TOM1: variants seen among roughly 807,000 people sequenced by gnomAD.
TOM1 encodes the protein target of myb1 membrane trafficking protein.
Under a neutral mutation model 61.3 loss-of-function variants are expected in TOM1, and 38 were observed. The ratio of observed to expected loss-of-function variants is 0.62; its 90% confidence interval spans 0.48 to 0.81. The LOEUF is 0.81. Among genes scored for constraint, TOM1 ranks in the 40% least tolerant of loss-of-function variants. TOM1 has a pLI of 0.00. For synonymous variants in TOM1, 270 were observed against 268.8 expected (o/e 1.00, Z -0.04); for missense variants, 591 against 659.6 (o/e 0.90, Z 1.14).
intron 8 of TOM1, chr22:35,331,443 C>T (rs1205581567): frequency 2.5e-6 from 1 of 392,916 alleles, no homozygotes; most frequent in Non-Finnish European, 5.1e-6. Flanking sequence ...TCAAGAGTCA[C>T]ATCCCCAAGA....
At chr22:35,303,688 G>A (rs567121305) in intron 1 of TOM1, among the ~76,000 whole-genome samples, 107 of 152,070 alleles carry the variant, frequency 7.0e-4, no homozygotes, top group East Asian at 2.3e-3. Context: ...AGTAGAGATG[G>A]GGTTTCACCA....
intron 2 of TOM1, chr22:35,321,725 C>CT (rs1242099030): frequency 6.1e-6 from 4 of 651,868 alleles, no homozygotes; most frequent in Non-Finnish European, 1.2e-5. Context: ...ACAAAACGCT[C>CT]TCATCTTTTC....
chr22:35,317,644 A>G (rs553918374), intron 1 of TOM1, among the ~76,000 whole-genome samples: 2 of 152,166 alleles, frequency 1.3e-5, no homozygotes, highest in South Asian at 2.1e-4. Context: ...TGGTTTCCTC[A>G]TCCATTGAAG....
intron 1 of TOM1, among the ~76,000 whole-genome samples, chr22:35,301,539 C>G (rs1361562813): frequency 6.6e-6 from 1 of 152,208 alleles, no homozygotes; most frequent in East Asian, 1.9e-4. Context: ...TGAAATTACT[C>G]TTCATCTTTT....
intron 11 of TOM1, among the ~76,000 whole-genome samples, chr22:35,334,944 G>A (rs1929173318): frequency 6.6e-6 from 1 of 151,210 alleles, no homozygotes; most frequent in Admixed American, 6.6e-5. Flanking sequence ...TTGTTCCATA[G>A]CCACCGTTAA....
Position 35,323,147 on chromosome 22 carries a change from C to T in TOM1, c.336C>T (p.Ile112=), listed in dbSNP as rs774932722. The change falls in exon 4 of 15, where the codon ATC becomes ATT. Residue 112 remains isoleucine, a synonymous_variant. Transcript: ENST00000449058. The surrounding 1 kb of genome is among the most constrained non-coding windows in gnomAD (Gnocchi z 4.2). ...TGCCCAAGAACAACCCACCCACCAT[C>T]GTGCATGACAAAGTGCTCAACCTCA... ...TILPKNNPPT[I]VHDKVLNLIQ... 9 of 1,614,096 alleles carry T rather than the reference C, an allele frequency of 5.6e-6. No individual in the cohort carries two copies. Among genetic ancestry groups the T allele is most frequent in the Non-Finnish European group, 7.6e-6 (9 of 1,180,030 alleles).
intron 6 of TOM1, 117 bp downstream of exon 6, chr22:35,324,031 C>A: frequency 1.6e-6 from 2 of 1,286,402 alleles, no homozygotes; most frequent in African/African-American, 1.5e-5. Flanking sequence ...TCACAGCAGC[C>A]CACAGGGTAT....
chr22:35,346,531 C>A (rs129433), intron 13 of TOM1, among the ~76,000 whole-genome samples: 5 of 151,982 alleles, frequency 3.3e-5, no homozygotes, highest in African/African-American at 9.7e-5. Context: ...GCCTTTCCCC[C>A]CCAGGGGTGA....
At chr22:35,302,302 CTTTTTT>C (rs965801547) in intron 1 of TOM1, among the ~76,000 whole-genome samples, 4 of 125,120 alleles carry the variant, frequency 3.2e-5, no homozygotes, top group African/African-American at 1.2e-4. Context: ...ATGTGAATTT[CTTTTTT>C]TTTCTTTTTC....
intron 9 of TOM1, 131 bp from the exon 10 acceptor site, chr22:35,333,273 G>C (rs1013013758): frequency 1.1e-6 from 1 of 894,696 alleles, no homozygotes; most frequent in Admixed American, 2.3e-5. Context: ...GAAATTCCCT[G>C]ATGCCCAGTC....
At chr22:35,321,760 T>C (rs1315585335) in intron 2 of TOM1, 199 bp from the exon 3 acceptor site, 24 of 702,412 alleles carry the variant, frequency 3.4e-5, no homozygotes, top group Non-Finnish European at 4.5e-5. Context: ...CTGCTGGAGG[T>C]CCAGGGGCCA....
intron 1 of TOM1, among the ~76,000 whole-genome samples, chr22:35,308,189 A>G (rs550477432): frequency 4.7e-4 from 71 of 151,052 alleles, no homozygotes; most frequent in South Asian, 3.3e-3. Flanking sequence ...GCATAAGCCA[A>G]TTCCTTAAGC....
At chr22:35,302,324 CT>C in intron 1 of TOM1, among the ~76,000 whole-genome samples, 1 of 122,844 alleles carries the variant, frequency 8.1e-6, no homozygotes, top group African/African-American at 3.2e-5. Flanking sequence ...TTTTCTTTTT[CT>C]TTTTCTTTTT....
chr22:35,347,061 A>G lies in TOM1; in HGVS notation c.1331A>G (p.Asp444Gly). Residue 444 changes from aspartate to glycine, a missense_variant, in exon 15 of 15, where the codon GAC becomes GGC. Transcript: ENST00000449058. ...CCCTCTCCCCTTCCTCTAGAATTTG[A>G]CAAATTCCTGGAAGAACGGGCCAAA... The part of the protein sequence containing the change: ...EPKGVTSEEF[D>G]KFLEERAKAA... The G allele has an allele frequency of 1.3e-6, 2 of 1,508,980 alleles. No homozygotes were observed. Among genetic ancestry groups the G allele is most frequent in the Non-Finnish European group, 1.8e-6 (2 of 1,115,018 alleles). The allele number at this position is 1,508,980 out of a possible 1,614,324, so 93.5% of individuals were successfully genotyped here. A position where few individuals can be genotyped will look rare whatever the true frequency, so the allele number is the denominator to read the frequency against.
intron 13 of TOM1, among the ~76,000 whole-genome samples, chr22:35,346,541 A>T (rs1930515119): frequency 6.6e-6 from 1 of 152,160 alleles, no homozygotes; most frequent in South Asian, 2.1e-4. Context: ...CCCAGGGGTG[A>T]GGACCACCCA....
intron 6 of TOM1, among the ~76,000 whole-genome samples, chr22:35,326,599 C>T (rs946605586): frequency 2.6e-5 from 4 of 152,146 alleles, no homozygotes; most frequent in Admixed American, 6.5e-5. Context: ...GGACAAAATC[C>T]CAGTCCACTA....
intron 12 of TOM1, among the ~76,000 whole-genome samples, chr22:35,342,888 C>T (rs2145723477): frequency 6.8e-6 from 1 of 147,828 alleles, no homozygotes; most frequent in Non-Finnish European, 1.5e-5. Flanking sequence ...ACACACACCA[C>T]ACACACATCT....
At chr22:35,320,255 G>C (rs923007993) in intron 2 of TOM1, among the ~76,000 whole-genome samples, 2 of 152,212 alleles carry the variant, frequency 1.3e-5, no homozygotes, top group African/African-American at 2.4e-5. Flanking sequence ...TTTAGCTGAG[G>C]CTTCACCTCA....
chr22:35,342,999 C>T (rs1167330143), intron 12 of TOM1, among the ~76,000 whole-genome samples: 18 of 140,748 alleles, frequency 1.3e-4, no homozygotes, highest in African/African-American at 4.8e-4. Context: ...TACACACCCC[C>T]ACACCACACA....
Sources: allele counts gnomAD v4.1 joint callset (sites outside exome capture counted in the v4.1 genomes callset), GRCh38; gene constraint gnomAD v4.1.1; non-coding constraint Gnocchi (gnomAD v3.1); transcripts MANE v1.5; gene names NCBI Gene and HGNC (gene_info 2026-07-23, HGNC 2026-07-21).